Variants in PCDH15 observed in about 807,000 individuals in gnomAD.
The protein encoded by PCDH15 is protocadherin-15.
Under a neutral mutation model 178.5 loss-of-function variants are expected in PCDH15, and 129 were observed. That is an observed-to-expected ratio of 0.72 (90% CI 0.63 to 0.84). The LOEUF (loss-of-function observed/expected upper bound fraction) is 0.84. Ranked by LOEUF, PCDH15 falls within the 40% of genes least tolerant of loss-of-function variation. The pLI, the probability that PCDH15 is intolerant of heterozygous loss-of-function variation, is 0.00. For synonymous variants in PCDH15, 800 were observed against 732.0 expected, an observed-to-expected ratio of 1.09 and a Z score of -1.50; for missense variants, 2,230 against 2,099.9, an observed-to-expected ratio of 1.06 and a Z score of -1.21.
At chr10:54,800,214 C>T (rs987740384) in intron 1 of PCDH15, among the ~76,000 whole-genome samples, 5 of 152,152 alleles carry the variant, frequency 3.3e-5, no homozygotes, top group African/African-American at 9.7e-5. Flanking sequence ...GGCCCACCCA[C>T]TCTATAGCTA....
intron 8 of PCDH15, among the ~76,000 whole-genome samples, chr10:54,308,493 C>T (rs74136118): frequency 0.021 from 3,143 of 151,994 alleles, 100 homozygotes; most frequent in African/African-American, 0.072. Flanking sequence ...ATTTATTCCA[C>T]TAAAAATTTC....
intron 2 of PCDH15, among the ~76,000 whole-genome samples, chr10:55,581,935 G>A (rs553946121): frequency 5.3e-5 from 8 of 152,150 alleles, no homozygotes; most frequent in East Asian, 3.9e-4. Flanking sequence ...TGCAACTTCC[G>A]ACTCCTGGGT....
At chr10:53,973,125 G>A (rs187525876) in intron 21 of PCDH15, among the ~76,000 whole-genome samples, 3 of 152,148 alleles carry the variant, frequency 2.0e-5, no homozygotes, top group African/African-American at 7.2e-5. Flanking sequence ...AAAAGGATGA[G>A]CTCATGTCCT....
chr10:53,821,178 T>C (rs2076250588), intron 32 of PCDH15: 1 of 972,054 alleles, frequency 1.0e-6, no homozygotes, highest in Admixed American at 6.2e-5. Context: ...AGACAGCAAC[T>C]GAAAAAGTAT....
intron 2 of PCDH15, among the ~76,000 whole-genome samples, chr10:55,087,524 G>A (rs546011445): frequency 1.3e-5 from 2 of 152,164 alleles, no homozygotes; most frequent in Non-Finnish European, 2.9e-5. Context: ...GTAGAGTTTG[G>A]AGAACATCAA....
At position 53,803,707 on chromosome 10, in the gene PCDH15, T is replaced by A. The variant is rs1840999670; in HGVS notation, c.*2872A>T. Reference sequence around the variant, plus strand: ...TTAAGTCACAAATGTCCTATGTCACTCTGACCATATTTTCTCATTCTTCCT... The same window carrying A: ...TTAAGTCACAAATGTCCTATGTCACACTGACCATATTTTCTCATTCTTCCT... On this transcript the variant is annotated 3_prime_UTR_variant, in exon 38 of 38. Transcript: ENST00000644397. 6.6e-6 allele frequency: 1 copy of A among 151,938 alleles called. No homozygotes were observed. The allele number at this position is 151,938 out of a possible 1,614,324, so 9.4% of individuals were successfully genotyped here. A position where few individuals can be genotyped will look rare whatever the true frequency, so the allele number is the denominator to read the frequency against.
chr10:55,585,286 A>T (rs1220291455), intron 2 of PCDH15, among the ~76,000 whole-genome samples: 3 of 152,132 alleles, frequency 2.0e-5, no homozygotes, highest in Non-Finnish European at 4.4e-5. Context: ...CATTTCAGGA[A>T]TCAAATTCTC....
intron 3 of PCDH15, among the ~76,000 whole-genome samples, chr10:54,406,997 T>A (rs1410424319): frequency 6.6e-6 from 1 of 152,154 alleles, no homozygotes; most frequent in African/African-American, 2.4e-5. Flanking sequence ...CAAACACTTG[T>A]ATGCCAAATA....
chr10:55,374,281 G>A (rs1195671767), intron 2 of PCDH15, among the ~76,000 whole-genome samples: 1 of 152,074 alleles, frequency 6.6e-6, no homozygotes, highest in Non-Finnish European at 1.5e-5. Flanking sequence ...GCAGAAGAGG[G>A]ATGTGTGCAG....
chr10:55,499,945 TA>T (rs1840619218), intron 2 of PCDH15, among the ~76,000 whole-genome samples: 3 of 151,708 alleles, frequency 2.0e-5, no homozygotes. Context: ...TGTGTGAATA[TA>T]AAAATGCACA....
At chr10:54,658,887 C>T (rs916600791) in intron 2 of PCDH15, among the ~76,000 whole-genome samples, 1 of 152,120 alleles carries the variant, frequency 6.6e-6, no homozygotes, top group African/African-American at 2.4e-5. Context: ...TTGCTGCCTT[C>T]AAGGGACTGA....
chr10:54,440,576 G>T (rs1368385008), intron 3 of PCDH15, among the ~76,000 whole-genome samples: 1 of 151,628 alleles, frequency 6.6e-6, no homozygotes, highest in Non-Finnish European at 1.5e-5. Flanking sequence ...TCTTAAAATG[G>T]CATTGAACAT....
chr10:55,054,382 A>G (rs1591862735), intron 2 of PCDH15, among the ~76,000 whole-genome samples: 2 of 151,954 alleles, frequency 1.3e-5, no homozygotes, highest in Non-Finnish European at 2.9e-5. Context: ...GCTGCATAGT[A>G]CTCCATAGTG....
chr10:54,848,789 G>T (rs1284298050), intron 3 of PCDH15, among the ~76,000 whole-genome samples: 2 of 152,058 alleles, frequency 1.3e-5, no homozygotes, highest in Non-Finnish European at 2.9e-5. Context: ...CAATCTTCAA[G>T]AATTTGTTGT....
intron 1 of PCDH15, among the ~76,000 whole-genome samples, chr10:55,226,369 TGTTTTTG>T (rs1164608710): frequency 1.3e-5 from 2 of 151,946 alleles, no homozygotes; most frequent in African/African-American, 4.8e-5. Context: ...GTTTTGTTTT[TGTTTTTG>T]TTTTTGTTTT....
chr10:54,955,111 G>A (rs1838448876), intron 2 of PCDH15, among the ~76,000 whole-genome samples: 1 of 151,056 alleles, frequency 6.6e-6, no homozygotes, highest in Non-Finnish European at 1.5e-5. Flanking sequence ...ATTGGATTCA[G>A]AAGCTTTCTT....
chr10:54,083,341 G>A (rs10825220), intron 16 of PCDH15, among the ~76,000 whole-genome samples: 121,649 of 152,176 alleles, frequency 0.8, 49,093 homozygotes, highest in African/African-American at 0.9. Context: ...TCACAGCAGC[G>A]GTATTTGTAA....
At chr10:55,348,938 T>A (rs565429404) in intron 2 of PCDH15, among the ~76,000 whole-genome samples, 47 of 152,284 alleles carry the variant, frequency 3.1e-4, no homozygotes, top group South Asian at 2.3e-3. Flanking sequence ...ATTAATGGCA[T>A]CATTCTGTCT....
At chr10:54,072,023 CCTTAT>C (rs1426618154) in intron 17 of PCDH15, among the ~76,000 whole-genome samples, 1 of 151,682 alleles carries the variant, frequency 6.6e-6, no homozygotes, top group African/African-American at 2.4e-5. Flanking sequence ...AAATAAATTA[CCTTAT>C]AACTTATTTT....
Sources: gnomAD v4.1 joint callset for allele counts (sites outside exome capture counted in the v4.1 genomes callset) on GRCh38, gnomAD v4.1.1 for gene constraint, MANE v1.5 for transcripts, NCBI Gene and HGNC (gene_info 2026-07-23, HGNC 2026-07-21) for gene names.